Variants in ART3 observed in about 807,000 individuals in gnomAD.
The protein encoded by ART3 is ecto-ADP-ribosyltransferase 3.
ART3 carries 49 observed loss-of-function variants against 48.5 expected under a neutral mutation model. That is an observed-to-expected ratio of 1.01 (90% confidence interval 0.80 to 1.28). The LOEUF is 1.28. ART3 is among the 50% of genes most tolerant of loss of function. The probability of loss-of-function intolerance (pLI) is 0.00; values close to 1 mark genes in which losing one functional copy is unlikely to be tolerated. For synonymous variants in ART3, 145 were observed against 157.2 expected (o/e 0.92, Z 0.58); for missense variants, 438 against 454.3 (o/e 0.96, Z 0.33).
At chr4:76,014,127 A>G (rs1732049207) in intron 1 of ART3, among the ~76,000 whole-genome samples, 1 of 152,036 alleles carries the variant, frequency 6.6e-6, no homozygotes, top group Non-Finnish European at 1.5e-5. Flanking sequence ...TATGTTGAAA[A>G]CCTAACTGCC....
intron 1 of ART3, among the ~76,000 whole-genome samples, chr4:76,025,641 T>C (rs916624055): frequency 1.1e-4 from 16 of 152,228 alleles, no homozygotes; most frequent in Admixed American, 3.3e-4. Flanking sequence ...TTCATATAAA[T>C]GGAACCACTT....
At chr4:76,073,915 C>CAGTCT (rs1281076847), upstream of ART3, among the ~76,000 whole-genome samples, 1 of 152,212 alleles carries the variant, frequency 6.6e-6, no homozygotes, top group African/African-American at 2.4e-5. Context: ...ATTTCACTTA[C>CAGTCT]AGTCTAACCA....
At chr4:76,108,557 T>TAAA (rs57985973) in intron 11 of ART3, among the ~76,000 whole-genome samples, 1 of 147,336 alleles carries the variant, frequency 6.8e-6, no homozygotes, top group Non-Finnish European at 1.5e-5. Flanking sequence ...TAGCAATGAT[T>TAAA]AAAAAAAAAA....
At chr4:76,014,840 T>A (rs1366605805) in intron 1 of ART3, among the ~76,000 whole-genome samples, 1 of 152,108 alleles carries the variant, frequency 6.6e-6, no homozygotes, top group Non-Finnish European at 1.5e-5. Context: ...GGATCCTAGA[T>A]AATATTAACA....
chr4:76,082,823 A>C (rs1291793577), intron 3 of ART3, among the ~76,000 whole-genome samples: 1 of 152,092 alleles, frequency 6.6e-6, no homozygotes, highest in African/African-American at 2.4e-5. Flanking sequence ...TTTGGTTGTC[A>C]CAGTTGGGGA....
At chr4:76,088,216 A>G (rs765629718) in intron 3 of ART3, among the ~76,000 whole-genome samples, 2 of 151,250 alleles carry the variant, frequency 1.3e-5, no homozygotes, top group Non-Finnish European at 2.9e-5. Context: ...TATGCAGAGA[A>G]ATAGTAGAGC....
At chr4:76,097,345 C>G (rs1450952091) in intron 3 of ART3, among the ~76,000 whole-genome samples, 1 of 151,924 alleles carries the variant, frequency 6.6e-6, no homozygotes, top group Non-Finnish European at 1.5e-5. Context: ...GCTGGGACTA[C>G]AGGTGTGTGC....
chr4:76,034,705 A>C, intron 1 of ART3: 47 of 952,042 alleles, frequency 4.9e-5, no homozygotes, highest in Non-Finnish European at 6.7e-5. Context: ...TTCCTACTGT[A>C]GAATTCTTGT....
chr4:76,080,229 T>C (rs1722154847), intron 2 of ART3, among the ~76,000 whole-genome samples: 1 of 152,170 alleles, frequency 6.6e-6, no homozygotes, highest in South Asian at 2.1e-4. Flanking sequence ...TTTTGCCAGG[T>C]TCTGTGCTAG....
chr4:76,047,106 C>T (rs1578311486), intron 1 of ART3, among the ~76,000 whole-genome samples: 1 of 151,958 alleles, frequency 6.6e-6, no homozygotes, highest in African/African-American at 2.4e-5. Flanking sequence ...CAGTGATTGC[C>T]TCAGCATAGT....
chr4:76,016,944 T>C (rs1177090697), intron 1 of ART3, among the ~76,000 whole-genome samples: 1 of 151,996 alleles, frequency 6.6e-6, no homozygotes, highest in Non-Finnish European at 1.5e-5. Context: ...TGGTGAATGC[T>C]GCCCAGCCTG....
chr4:76,048,125 G>T (rs192637884), intron 1 of ART3, among the ~76,000 whole-genome samples: 24 of 152,036 alleles, frequency 1.6e-4, no homozygotes, highest in African/African-American at 5.3e-4. Context: ...ATAGGAAGGG[G>T]AGCTATAGGG....
intron 3 of ART3, among the ~76,000 whole-genome samples, chr4:76,087,573 A>T (rs1442141261): frequency 2.6e-5 from 4 of 152,192 alleles, no homozygotes; most frequent in Non-Finnish European, 5.9e-5. Flanking sequence ...GGGTAAAAAA[A>T]ATTTTTACTG....
At chr4:76,042,785 T>C (rs1735095872) in intron 1 of ART3, among the ~76,000 whole-genome samples, 1 of 152,040 alleles carries the variant, frequency 6.6e-6, no homozygotes, top group Non-Finnish European at 1.5e-5. Context: ...CAGCAAGATT[T>C]ATTGCAAAGA....
upstream of ART3, among the ~76,000 whole-genome samples, chr4:76,070,147 A>T (rs28706454): frequency 0.21 from 31,426 of 151,830 alleles, 5,534 homozygotes; most frequent in African/African-American, 0.48. Context: ...GTGAACATAC[A>T]CTTTAATAAT....
chr4:76,019,307 G>C (rs1349287321), intron 1 of ART3, among the ~76,000 whole-genome samples: 2 of 151,096 alleles, frequency 1.3e-5, no homozygotes, highest in African/African-American at 4.9e-5. Context: ...AGATTTTCAT[G>C]AATTATGTGA....
chr4:76,064,760 G>A (rs1719551864), intron 1 of ART3, among the ~76,000 whole-genome samples: 1 of 152,132 alleles, frequency 6.6e-6, no homozygotes, highest in African/African-American at 2.4e-5. Context: ...GAAAGTGGAT[G>A]CTTTAAAATA....
At chr4:76,060,034 AG>A (rs1719054555) in intron 1 of ART3, among the ~76,000 whole-genome samples, 1 of 152,170 alleles carries the variant, frequency 6.6e-6, no homozygotes, top group African/African-American at 2.4e-5. Context: ...AGGTCCCTCC[AG>A]GGCAAGGAAC....
intron 1 of ART3, among the ~76,000 whole-genome samples, chr4:76,032,415 C>G (rs1487616668): frequency 6.6e-6 from 1 of 151,932 alleles, no homozygotes; most frequent in Admixed American, 6.6e-5. Context: ...CTATGTTGCC[C>G]AAGCTAGTCT....
Sources: gnomAD v4.1 joint callset for allele counts (sites outside exome capture counted in the v4.1 genomes callset) on GRCh38, gnomAD v4.1.1 for gene constraint, MANE v1.5 for transcripts, NCBI Gene and HGNC (gene_info 2026-07-23, HGNC 2026-07-21) for gene names.